NAALADL2: variants seen among roughly 807,000 people sequenced by gnomAD.
NAALADL2 encodes inactive N-acetylated-alpha-linked acidic dipeptidase-like protein 2.
A neutral mutation model predicts 87.2 loss-of-function variants in NAALADL2; 76 were observed. That is an observed-to-expected ratio of 0.87 (90% confidence interval 0.72 to 1.05). The LOEUF (loss-of-function observed/expected upper bound fraction) is 1.05. NAALADL2 is among the 50% of genes least tolerant of loss of function. The pLI, the probability that NAALADL2 is intolerant of heterozygous loss-of-function variation, is 0.00. For missense variants in NAALADL2, 1,089 were observed against 945.8 expected, an observed-to-expected ratio of 1.15 and a Z score of -1.99; for synonymous variants, 354 against 331.0, an observed-to-expected ratio of 1.07 and a Z score of -0.75.
intron 9 of NAALADL2, among the ~76,000 whole-genome samples, chr3:175,559,120 T>C (rs529715230): frequency 6.6e-6 from 1 of 152,276 alleles, no homozygotes. Context: ...TTTTATAGTT[T>C]TCATGGTAGA....
At chr3:174,705,769 C>T (rs957669761) in intron 2 of NAALADL2, among the ~76,000 whole-genome samples, 30 of 127,042 alleles carry the variant, frequency 2.4e-4, no homozygotes, top group African/African-American at 8.3e-4. Flanking sequence ...GGCGACAGAG[C>T]GAGACTCCGT....
At chr3:175,749,184 G>C (rs1198408610) in intron 12 of NAALADL2, among the ~76,000 whole-genome samples, 20 of 101,088 alleles carry the variant, frequency 2.0e-4, no homozygotes, top group African/African-American at 8.6e-4. Context: ...GGAGAAGGGA[G>C]AGGAGGGGAA....
intron 10 of NAALADL2, among the ~76,000 whole-genome samples, chr3:175,616,936 G>A (rs560017091): frequency 1.1e-4 from 16 of 152,176 alleles, no homozygotes; most frequent in South Asian, 4.2e-4. Flanking sequence ...GCGGTTCAGC[G>A]AATTTTCCCT....
intron 2 of NAALADL2, among the ~76,000 whole-genome samples, chr3:174,593,148 A>G (rs1366612824): frequency 1.3e-5 from 2 of 152,178 alleles, no homozygotes; most frequent in Non-Finnish European, 2.9e-5. Context: ...GTAGCTAATT[A>G]TAATACAGAG....
intron 2 of NAALADL2, among the ~76,000 whole-genome samples, chr3:175,190,621 T>C (rs1210863850): frequency 6.6e-6 from 1 of 152,026 alleles, no homozygotes; most frequent in African/African-American, 2.4e-5. Context: ...GAAAACAATA[T>C]GGTACCAGAA....
At chr3:175,091,765 C>T (rs895801461) in intron 1 of NAALADL2, among the ~76,000 whole-genome samples, 13 of 152,006 alleles carry the variant, frequency 8.6e-5, no homozygotes, top group African/African-American at 1.9e-4. Context: ...CCAAAAATCA[C>T]GCTGTAATAA....
rs187008103 is a variant in NAALADL2 at position 174,521,811 on chromosome 3, T to C, written c.-183-28758T>C. Among the ~76,000 whole-genome samples, 72 of 151,920 alleles carry C rather than the reference T, an allele frequency of 4.7e-4. 1 individual carries two copies. In the East Asian group the frequency reaches 9.7e-3, roughly 21 times the overall value. On this transcript the variant is annotated intron_variant, in intron 1 of 3. Coordinates refer to the NAALADL2 transcript ENST00000434257. The stretch of plus-strand genomic sequence containing the variant: ...GTGTAGAAGGAGAGGGGAATGAGGG[T>C]TGAAAAATTATCTGCTGGATACATT...
chr3:175,132,612 G>C (rs1728276742), intron 2 of NAALADL2, among the ~76,000 whole-genome samples: 1 of 106,716 alleles, frequency 9.4e-6, no homozygotes, highest in Non-Finnish European at 1.9e-5. Context: ...GCAGGGGGCT[G>C]ACCCCCCCAC....
intron 3 of NAALADL2, among the ~76,000 whole-genome samples, chr3:174,739,654 T>A (rs1733573067): frequency 6.6e-6 from 1 of 152,146 alleles, no homozygotes; most frequent in Admixed American, 6.5e-5. Context: ...TTAATTATAT[T>A]CCCCAAATAA....
chr3:174,484,126 A>G (rs943406049), intron 1 of NAALADL2, among the ~76,000 whole-genome samples: 8 of 149,230 alleles, frequency 5.4e-5, no homozygotes, highest in South Asian at 4.3e-4. Context: ...AGTGTGATTT[A>G]CATTATGGTA....
intron 3 of NAALADL2, among the ~76,000 whole-genome samples, chr3:174,834,795 A>G (rs1723141219): frequency 6.6e-6 from 1 of 151,804 alleles, no homozygotes; most frequent in Non-Finnish European, 1.5e-5. Context: ...GAGTATATAA[A>G]TAAATGAAGA....
In NAALADL2 at chr3:175,364,476, C is replaced by T. The variant is rs181078503; in HGVS notation, c.1090+40151C>T. On this transcript the variant is annotated intron_variant, in intron 5 of 13. Transcript: ENST00000454872. ...CTAGAATTCCCTTGGGTTGTACATTCGGGAGTGATATTACCAGTTATCCGC... is the reference window on the plus strand; with the variant it reads ...CTAGAATTCCCTTGGGTTGTACATTTGGGAGTGATATTACCAGTTATCCGC... Among the ~76,000 whole-genome samples the T allele has an allele frequency of 1.0e-3, 147 of 147,704 alleles. 13 individuals are homozygous for T. Among genetic ancestry groups the T allele is most frequent in the Admixed American group, 2.2e-3 (31 of 14,402 alleles).
At chr3:175,176,754 C>T (rs1189562032) in intron 2 of NAALADL2, among the ~76,000 whole-genome samples, 1 of 151,846 alleles carries the variant, frequency 6.6e-6, no homozygotes, top group Non-Finnish European at 1.5e-5. Flanking sequence ...GGGGTCGGAG[C>T]CAAGGAATGC....
chr3:174,899,075 G>A (rs1731986223), intron 1 of NAALADL2, among the ~76,000 whole-genome samples: 1 of 152,100 alleles, frequency 6.6e-6, no homozygotes, highest in South Asian at 2.1e-4. Flanking sequence ...GTATCATGAA[G>A]TGAAAACAGT....
At chr3:175,070,759 T>G (rs975097451) in intron 1 of NAALADL2, among the ~76,000 whole-genome samples, 1 of 152,068 alleles carries the variant, frequency 6.6e-6, no homozygotes. Flanking sequence ...TTGGATGAAT[T>G]TAGTACCATA....
rs115994388 is a variant in NAALADL2 at position 175,034,760 on chromosome 3, T to A, written c.44-62030T>A. On this transcript the variant is annotated intron_variant, in intron 1 of 13. Coordinates refer to ENST00000454872, the MANE Select transcript of NAALADL2 (RefSeq NM_207015.3). ...AAACTTTCCGTGCCTGAGTTACTCA[T>A]CTATCAAACAGGAATTATTATAGTA... 4.9e-3 allele frequency among the ~76,000 whole-genome samples: 747 copies of A among 152,274 alleles called. 2 individuals carry two copies. Among genetic ancestry groups the A allele is most frequent in the Middle Eastern group, 0.01 (3 of 294 alleles).
chr3:175,011,601 A>C (rs1749833607), intron 1 of NAALADL2, among the ~76,000 whole-genome samples: 1 of 152,170 alleles, frequency 6.6e-6, no homozygotes, highest in Non-Finnish European at 1.5e-5. Context: ...AGCTCAGCTT[A>C]ATTGTTCACT....
At chr3:174,857,887 A>G (rs1393015267), upstream of NAALADL2, among the ~76,000 whole-genome samples, 1 of 151,974 alleles carries the variant, frequency 6.6e-6, no homozygotes, top group African/African-American at 2.4e-5. Context: ...TTTTAATGTC[A>G]TGTTTGCCTT....
At chr3:175,747,788 C>A (rs2062250192) in intron 12 of NAALADL2, among the ~76,000 whole-genome samples, 1 of 152,080 alleles carries the variant, frequency 6.6e-6, no homozygotes, top group African/African-American at 2.4e-5. Context: ...TGTTTTTGCT[C>A]ATATTTCCCA....
Sources: allele counts gnomAD v4.1 joint callset (sites outside exome capture counted in the v4.1 genomes callset), GRCh38; gene constraint gnomAD v4.1.1; transcripts MANE v1.5; gene names NCBI Gene and HGNC (gene_info 2026-07-23, HGNC 2026-07-21).